The following ACOXL variants were observed in gnomAD, a reference collection of about 807,000 sequenced individuals.
The protein encoded by ACOXL is acyl-CoA oxidase like.
A neutral mutation model predicts 71.9 loss-of-function variants in ACOXL; 70 were observed. That is an observed-to-expected ratio of 0.97 (90% CI 0.80 to 1.19). The LOEUF (loss-of-function observed/expected upper bound fraction) is 1.19, where lower values mean the gene tolerates loss of function less well. Among genes scored for constraint, ACOXL ranks in the 50% most tolerant of loss-of-function variants. The probability of loss-of-function intolerance (pLI) is 0.00; values close to 1 mark genes in which losing one functional copy is unlikely to be tolerated. For synonymous variants in ACOXL, 253 were observed against 281.6 expected, an observed-to-expected ratio of 0.90 and a Z score of 1.02; for missense variants, 703 against 736.3, an observed-to-expected ratio of 0.95 and a Z score of 0.52.
intron 9 of ACOXL, among the ~76,000 whole-genome samples, chr2:110,819,455 G>T (rs974570780): frequency 1.3e-5 from 2 of 152,112 alleles, no homozygotes; most frequent in African/African-American, 4.8e-5. Flanking sequence ...GAAGTTGGGG[G>T]AGAAGGTGAC....
chr2:111,021,050 G>A (rs2064733998), intron 14 of ACOXL, among the ~76,000 whole-genome samples: 1 of 152,154 alleles, frequency 6.6e-6, no homozygotes, highest in Non-Finnish European at 1.5e-5. Flanking sequence ...TCAGGGGCAC[G>A]CCTCCCTAGA....
At position 111,042,275 on chromosome 2, in the gene ACOXL, C is replaced by G. The variant is rs148277018; in HGVS notation, c.1370-6943C>G. 1.6e-4 allele frequency among the ~76,000 whole-genome samples: 25 copies of G among 152,356 alleles called. 1 individual carries two copies. In the East Asian group the frequency reaches 4.6e-3, roughly 28 times the overall value. Reference sequence around the variant, plus strand: ...TTGCTTAGAAGGTTTTCAGTACCTCCTATTTGCCAGACTTAGGACTCAGAT... The same window carrying G: ...TTGCTTAGAAGGTTTTCAGTACCTCGTATTTGCCAGACTTAGGACTCAGAT... On this transcript the variant is annotated intron_variant, in intron 15 of 17. Transcript: ENST00000439055.
At chr2:110,968,483 A>T (rs1317898834) in intron 12 of ACOXL, 3 of 1,310,026 alleles carry the variant, frequency 2.3e-6, no homozygotes, top group Non-Finnish European at 3.3e-6. Context: ...GAAGATGAAG[A>T]TGCTTACAAG....
intron 8 of ACOXL, among the ~76,000 whole-genome samples, chr2:110,803,488 A>G (rs1194123802): frequency 1.3e-5 from 2 of 152,218 alleles, no homozygotes; most frequent in African/African-American, 4.8e-5. Flanking sequence ...ATGAAGTTGG[A>G]CCTTTACTGC....
At chr2:111,033,296 G>A (rs1452553670) in intron 15 of ACOXL, among the ~76,000 whole-genome samples, 1 of 152,172 alleles carries the variant, frequency 6.6e-6, no homozygotes, top group African/African-American at 2.4e-5. Context: ...CCCACCCACA[G>A]TGTATCAGGC....
intron 12 of ACOXL, among the ~76,000 whole-genome samples, chr2:110,962,948 G>T (rs1244970870): frequency 6.6e-6 from 1 of 152,168 alleles, no homozygotes; most frequent in Non-Finnish European, 1.5e-5. Context: ...GAAGGGGAAG[G>T]ACCTGGGACC....
rs528935055 is a variant in ACOXL at position 110,933,768 on chromosome 2, G to C, written c.1059+126G>C. 1.2e-3 allele frequency: 1,533 copies of C among 1,230,590 alleles called. 1 individual carries two copies. Among genetic ancestry groups the C allele is most frequent in the Non-Finnish European group, 1.5e-3 (1,381 of 914,690 alleles). 76.2% of individuals were successfully genotyped at this position (1,230,590 alleles called of 1,614,324 possible). A position where few individuals can be genotyped will look rare whatever the true frequency, so the allele number is the denominator to read the frequency against. ...AAATCCCAACTGCCCATGACTCTGGGTTCCTTCCTTACCAGCCTCATAGTC... is the reference window on the plus strand; with the variant it reads ...AAATCCCAACTGCCCATGACTCTGGCTTCCTTCCTTACCAGCCTCATAGTC... On this transcript the variant is annotated intron_variant, in intron 12 of 17. Coordinates refer to ENST00000439055, the MANE Select transcript of ACOXL (RefSeq NM_001142807.4).
intron 10 of ACOXL, among the ~76,000 whole-genome samples, chr2:110,866,471 G>T (rs1462026053): frequency 2.6e-5 from 4 of 152,152 alleles, no homozygotes; most frequent in Non-Finnish European, 5.9e-5. Context: ...AATGCCCAGG[G>T]AGGAGGTGGG....
At chr2:110,785,064 T>C (rs980734443) in intron 3 of ACOXL, among the ~76,000 whole-genome samples, 5 of 152,258 alleles carry the variant, frequency 3.3e-5, no homozygotes, top group Non-Finnish European at 7.3e-5. Flanking sequence ...TTCCTTTGTC[T>C]TAGTTTTATG....
chr2:110,805,160 A>T, intron 8 of ACOXL, 103 bp from the exon 9 acceptor site: 1 of 1,461,096 alleles, frequency 6.8e-7, no homozygotes. Context: ...ACGATGGGGA[A>T]ATCCGAGTGC....
At chr2:110,941,934 T>G (rs1474834814) in intron 12 of ACOXL, among the ~76,000 whole-genome samples, 1 of 152,214 alleles carries the variant, frequency 6.6e-6, no homozygotes, top group Non-Finnish European at 1.5e-5. Flanking sequence ...TTTTTAGCAC[T>G]TAAATATCTT....
At chr2:110,760,422 G>A (rs1247515602) in intron 1 of ACOXL, among the ~76,000 whole-genome samples, 6 of 152,214 alleles carry the variant, frequency 3.9e-5, no homozygotes, top group Admixed American at 3.9e-4. Context: ...GGGATTACAG[G>A]CGTGAGCCAC....
intron 16 of ACOXL, among the ~76,000 whole-genome samples, chr2:111,071,692 C>T (rs1176803785): frequency 1.3e-5 from 2 of 152,168 alleles, no homozygotes; most frequent in Admixed American, 1.3e-4. Context: ...ACTGGAGGGC[C>T]AACCCTTTTG....
rs530030833 is a variant in ACOXL, at chr2:110,937,380, C to T, written c.1059+3738C>T. 6.7e-4 allele frequency among the ~76,000 whole-genome samples: 29 copies of T among 43,572 alleles called. No homozygotes were observed. In the South Asian group the frequency reaches 0.027, roughly 40 times the overall value. The allele number at this position is 43,572 out of a possible 152,430, so 28.6% of individuals were successfully genotyped here. ...TTTAGAACAAAGAATGCTTCTAGCACCTATCACTCAGGAAATAAAAAATGT... is the reference window on the plus strand; with the variant it reads ...TTTAGAACAAAGAATGCTTCTAGCATCTATCACTCAGGAAATAAAAAATGT... On this transcript the variant is annotated intron_variant, in intron 12 of 17. Coordinates refer to ENST00000439055, the MANE Select transcript of ACOXL (RefSeq NM_001142807.4).
chr2:110,831,075 C>A (rs1221834989), intron 9 of ACOXL, among the ~76,000 whole-genome samples: 1 of 152,074 alleles, frequency 6.6e-6, no homozygotes, highest in East Asian at 1.9e-4. Flanking sequence ...CAACTGGGAA[C>A]AAGGCAAGGA....
chr2:110,924,627 A>G (rs1261346153), intron 11 of ACOXL, among the ~76,000 whole-genome samples: 4 of 152,240 alleles, frequency 2.6e-5, no homozygotes, highest in Non-Finnish European at 2.9e-5. Flanking sequence ...ATTCAGTCAC[A>G]TCTTCAGGCT....
rs34466366 is a variant in ACOXL, at chr2:110,801,654, C to A, written c.550C>A (p.Leu184Met). Residue 184 changes from leucine (L) to methionine (M), a missense_variant and splice_region_variant, in exon 8 of 18, where the codon CTG (leucine) becomes ATG (methionine). By Grantham distance (15) the Leu-to-Met change is conservative. Transcript: ENST00000439055. ...TTTCCCCTTTCTATTCTTGCCAGGT[C>A]TGCATGGTGTGGACAATGGGATATT... is the stretch of plus-strand genomic sequence containing the variant. ...TAIDMMYKEGLHGVDNGILIF... is the reference protein window; with the variant it reads ...TAIDMMYKEGMHGVDNGILIF... The A allele has an allele frequency of 0.02, 32,253 of 1,613,510 alleles. 405 individuals carry two copies. Among genetic ancestry groups the A allele is most frequent in the Non-Finnish European group, 0.022 (25,415 of 1,179,410 alleles).
At chr2:110,868,915 A>G (rs1558646971) in intron 10 of ACOXL, among the ~76,000 whole-genome samples, 1 of 152,148 alleles carries the variant, frequency 6.6e-6, no homozygotes, top group South Asian at 2.1e-4. Flanking sequence ...TTGCTAATAT[A>G]TAGGCAAGGC....
chr2:110,998,799 T>A (rs1317687283), intron 14 of ACOXL, among the ~76,000 whole-genome samples: 1 of 152,178 alleles, frequency 6.6e-6, no homozygotes, highest in African/African-American at 2.4e-5. Flanking sequence ...GGATTAGATT[T>A]AAAATGGGCT....
Sources: gnomAD v4.1 joint callset for allele counts (sites outside exome capture counted in the v4.1 genomes callset) on GRCh38, gnomAD v4.1.1 for gene constraint, MANE v1.5 for transcripts, NCBI Gene and HGNC (gene_info 2026-07-23, HGNC 2026-07-21) for gene names.